MYO9B: variants seen among roughly 807,000 people sequenced by gnomAD.
MYO9B encodes unconventional myosin-IXb.
MYO9B carries 71 observed loss-of-function variants against 229.5 expected under a neutral mutation model. That is an observed-to-expected ratio of 0.31 (90% CI 0.26 to 0.38). The LOEUF (loss-of-function observed/expected upper bound fraction) is 0.38, where lower values mean the gene tolerates loss of function less well. Ranked by LOEUF, MYO9B falls within the 10% of genes least tolerant of loss-of-function variation. The pLI is 1.00. For synonymous variants in MYO9B, 1,185 were observed against 1,235.8 expected (o/e 0.96, Z 0.86); for missense variants, 2,255 against 2,920.5 (o/e 0.77, Z 5.25).
rs111704225 is a variant in MYO9B at position 17,172,231 on chromosome 19, C to A, written c.1794-105C>A. 2.8e-3 allele frequency: 4,058 copies of A among 1,446,442 alleles called. 99 individuals are homozygous for A. The African/African-American group carries it at 0.045, about 16-fold the overall frequency. 89.6% of individuals were successfully genotyped at this position (1,446,442 alleles called of 1,614,324 possible). On this transcript the variant is annotated intron_variant, in intron 11 of 39. Coordinates refer to ENST00000682292, the MANE Select transcript of MYO9B (RefSeq NM_004145.4). This position sits in a 1 kb window ranked among gnomAD's most constrained non-coding sequence, Gnocchi z 8.2. ...GTGCCACTTCACTGCTCTGCCCACCCCATGCACCCACCCACCTCGTGCACC... is the reference window on the plus strand; with the variant it reads ...GTGCCACTTCACTGCTCTGCCCACCACATGCACCCACCCACCTCGTGCACC...
intron 4 of MYO9B, 60 bp downstream of exon 4, chr19:17,152,766 C>G: frequency 7.0e-7 from 1 of 1,436,266 alleles, no homozygotes; most frequent in Non-Finnish European, 9.7e-7. Context: ...TTTCCTCCTA[C>G]AGAGGAGAGA....
chr19:17,123,586 G>A (rs566858796), intron 2 of MYO9B, among the ~76,000 whole-genome samples: 3 of 152,070 alleles, frequency 2.0e-5, no homozygotes, highest in South Asian at 2.1e-4. Flanking sequence ...GATTACAGGC[G>A]CACGCCATCA....
chr19:17,141,675 C>T (rs1220291174), intron 2 of MYO9B, among the ~76,000 whole-genome samples: 2 of 152,032 alleles, frequency 1.3e-5, no homozygotes, highest in African/African-American at 4.8e-5. Context: ...CCAGGGGCTC[C>T]GTCTTAACCA....
At chr19:17,206,225 G>GGGGGCCCCC in intron 32 of MYO9B, 23 bp from the exon 33 acceptor site, 19 of 1,564,612 alleles carry the variant, frequency 1.2e-5, no homozygotes, top group Non-Finnish European at 1.5e-5. Flanking sequence ...CCGCTCACCA[G>GGGGGCCCCC]ACCCACCCCA....
intron 3 of MYO9B, among the ~76,000 whole-genome samples, chr19:17,149,231 G>T (rs946037362): frequency 6.6e-6 from 1 of 152,034 alleles, no homozygotes; most frequent in Non-Finnish European, 1.5e-5. Context: ...TTCCACCTTG[G>T]CCCCCCAAAG....
rs1423324629 is a variant in MYO9B at position 17,193,407 on chromosome 19, C to T, written c.3128+345C>T. Reference sequence around the variant, plus strand: ...AACACTCACATGGAGCTGGGGCATCCACCGGGCACAGAGAAGCCCCCAGGA... The same window carrying T: ...AACACTCACATGGAGCTGGGGCATCTACCGGGCACAGAGAAGCCCCCAGGA... On this transcript the variant is annotated intron_variant, in intron 21 of 39. Coordinates refer to ENST00000682292, the MANE Select transcript of MYO9B (RefSeq NM_004145.4). This position sits in a 1 kb window ranked among gnomAD's most constrained non-coding sequence, Gnocchi z 4.3. 6.6e-6 allele frequency among the ~76,000 whole-genome samples: 1 copy of T among 152,108 alleles called. No homozygotes were observed. Among genetic ancestry groups the T allele is most frequent in the African/African-American group, 2.4e-5 (1 of 41,448 alleles).
chr19:17,207,743 G>A (rs142134443), intron 35 of MYO9B: 1 of 152,220 alleles, frequency 6.6e-6, no homozygotes, highest in African/African-American at 2.4e-5. Context: ...TGGACGAGGT[G>A]GCTCACGCCT....
At position 17,195,988 on chromosome 19, in the gene MYO9B, A is replaced by G. The variant is rs11879844; in HGVS notation, c.4046+515A>G. On this transcript the variant is annotated intron_variant, in intron 22 of 39. Coordinates refer to ENST00000682292, the MANE Select transcript of MYO9B (RefSeq NM_004145.4). The surrounding 1 kb of genome is among the most constrained non-coding windows in gnomAD (Gnocchi z 4.5). ...GCCTGCTCAGCCTCCCACTGCTCGT[A>G]TTGGGGGCCAGATCATTCTCTGCGG... is the stretch of plus-strand genomic sequence containing the variant. Among the ~76,000 whole-genome samples the G allele has an allele frequency of 0.083, 12,618 of 151,694 alleles. 1,080 individuals carry two copies. The highest frequency in any genetic ancestry group is 0.22 in the African/African-American group (9,101 of 41,264).
chr19:17,130,345 G>A (rs181514935), intron 2 of MYO9B, among the ~76,000 whole-genome samples: 113 of 151,646 alleles, frequency 7.5e-4, no homozygotes, highest in Middle Eastern at 3.4e-3. Context: ...GGCCGGGCAC[G>A]GTGGCTCACG....
rs865918879 is a variant in MYO9B, at chr19:17,128,142, C to T, written c.841-17255C>T. Among the ~76,000 whole-genome samples the T allele has an allele frequency of 3.3e-5, 5 of 151,816 alleles. No homozygotes were observed. In the East Asian group the frequency reaches 7.7e-4, roughly 24 times the overall value. On this transcript the variant is annotated intron_variant, in intron 2 of 39. Transcript: ENST00000682292. ...CTGTAATCCCAGCTTTTTGGGAGGC[C>T]GAGGCAGGAGAATCACTTGAGCCCA...
chr19:17,090,090 C>T (rs1407328344), intron 1 of MYO9B, among the ~76,000 whole-genome samples: 3 of 122,752 alleles, frequency 2.4e-5, no homozygotes, highest in Non-Finnish European at 4.9e-5. Flanking sequence ...GTTTCATCCA[C>T]GTTATAGCAT....
intron 11 of MYO9B, among the ~76,000 whole-genome samples, chr19:17,170,099 A>G (rs2072706442): frequency 6.6e-6 from 1 of 151,138 alleles, no homozygotes; most frequent in Admixed American, 6.6e-5. Flanking sequence ...ATCTCCCTGT[A>G]TTGCCCAGGC....
intron 1 of MYO9B, among the ~76,000 whole-genome samples, chr19:17,082,115 A>T (rs2057538938): frequency 6.6e-6 from 1 of 152,204 alleles, no homozygotes; most frequent in Non-Finnish European, 1.5e-5. Flanking sequence ...TCCTTCAGCA[A>T]AAAGGAAGTA....
At chr19:17,105,532 C>T (rs1204907665) in intron 2 of MYO9B, among the ~76,000 whole-genome samples, 5 of 151,964 alleles carry the variant, frequency 3.3e-5, no homozygotes, top group Admixed American at 6.6e-5. Context: ...CATGTCTTTT[C>T]GTGGCTTGAG....
intron 2 of MYO9B, among the ~76,000 whole-genome samples, chr19:17,144,212 T>A (rs1018338355): frequency 3.9e-5 from 6 of 151,992 alleles, no homozygotes; most frequent in Non-Finnish European, 7.4e-5. Context: ...CGAGACCCCA[T>A]CTCAAAAATA....
At chr19:17,173,635 C>G (rs2072750019) in intron 13 of MYO9B, among the ~76,000 whole-genome samples, 1 of 152,148 alleles carries the variant, frequency 6.6e-6, no homozygotes, top group South Asian at 2.1e-4. Flanking sequence ...GCATTCTCTA[C>G]TGGGAACCCA....
chr19:17,143,290 A>G (rs746647001), intron 2 of MYO9B, among the ~76,000 whole-genome samples: 8 of 152,052 alleles, frequency 5.3e-5, no homozygotes, highest in Non-Finnish European at 1.2e-4. Flanking sequence ...ACACAGAGAT[A>G]AAGAGTGAAA....
At chr19:17,203,411 G>C (rs1196792409) in intron 30 of MYO9B, among the ~76,000 whole-genome samples, 153 bp downstream of exon 30, 1 of 151,966 alleles carries the variant, frequency 6.6e-6, no homozygotes, top group Non-Finnish European at 1.5e-5. Flanking sequence ...TCAGGAGTTT[G>C]AGACCAGCCT....
At chr19:17,111,820 G>A (rs780730275) in intron 2 of MYO9B, among the ~76,000 whole-genome samples, 2 of 152,082 alleles carry the variant, frequency 1.3e-5, no homozygotes, top group Non-Finnish European at 2.9e-5. Flanking sequence ...CCACTAACCT[G>A]CTTCCTGTCT....
Sources: allele counts gnomAD v4.1 joint callset (sites outside exome capture counted in the v4.1 genomes callset), GRCh38; gene constraint gnomAD v4.1.1; non-coding constraint Gnocchi (gnomAD v3.1); transcripts MANE v1.5; gene names NCBI Gene and HGNC (gene_info 2026-07-23, HGNC 2026-07-21).